Variants in MANBA observed in about 807,000 individuals in gnomAD.
The protein encoded by MANBA is beta-mannosidase.
In MANBA, 83 loss-of-function variants were observed where a neutral mutation model predicts 111.1. The ratio of observed to expected loss-of-function variants is 0.75; its 90% confidence interval spans 0.63 to 0.90. The LOEUF (loss-of-function observed/expected upper bound fraction) is 0.90, where lower values mean the gene tolerates loss of function less well. Among genes scored for constraint, MANBA ranks in the 40% least tolerant of loss-of-function variants. The probability of loss-of-function intolerance (pLI) is 0.00; values close to 1 mark genes in which losing one functional copy is unlikely to be tolerated. For synonymous variants in MANBA, 370 were observed against 378.7 expected, an observed-to-expected ratio of 0.98 and a Z score of 0.27; for missense variants, 1,036 against 1,069.0, an observed-to-expected ratio of 0.97 and a Z score of 0.43.
At chr4:102,758,482 G>A (rs1259951275) in intron 1 of MANBA, among the ~76,000 whole-genome samples, 3 of 152,032 alleles carry the variant, frequency 2.0e-5, no homozygotes, top group Non-Finnish European at 4.4e-5. Flanking sequence ...AAAGCAGGTC[G>A]GACAACAGTC....
intron 1 of MANBA, among the ~76,000 whole-genome samples, chr4:102,741,680 G>C (rs1262718364): frequency 1.3e-5 from 2 of 152,218 alleles, no homozygotes. Flanking sequence ...GGAATGGAAA[G>C]CCAAGCATTG....
chr4:102,735,948 C>T (rs1389954516), intron 1 of MANBA, among the ~76,000 whole-genome samples: 2 of 152,200 alleles, frequency 1.3e-5, no homozygotes, highest in Admixed American at 6.5e-5. Flanking sequence ...TCTAGTCTAA[C>T]ACCAAGGTCT....
rs1016779572 is a variant in MANBA, at chr4:102,635,982, A to G, written c.2040T>C (p.Leu680=). The change falls in exon 15 of 17, where the codon CTT becomes CTC. Residue 680 remains leucine, a synonymous_variant. Transcript: ENST00000647097. The part of the protein sequence containing the change: ...SLEYGGKWKM[L]HYFAQNFFAP... The stretch of plus-strand genomic sequence containing the variant: ...CAAAGAAATTCTGAGCAAAGTAATG[A>G]AGCATTTTCCACTTTCCTCCGTACT... The G allele has an allele frequency of 2.5e-6, 4 of 1,613,802 alleles. No individual in the cohort carries two copies. Among genetic ancestry groups the G allele is most frequent in the Non-Finnish European group, 3.4e-6 (4 of 1,179,772 alleles).
At chr4:102,697,837 G>T (rs1022230229) in intron 5 of MANBA, among the ~76,000 whole-genome samples, 2 of 152,044 alleles carry the variant, frequency 1.3e-5, no homozygotes, top group African/African-American at 2.4e-5. Context: ...TGTGTCTTTA[G>T]AGCAGCATGA....
At chr4:102,727,032 C>A (rs530764075) in intron 1 of MANBA, among the ~76,000 whole-genome samples, 1 of 152,356 alleles carries the variant, frequency 6.6e-6, no homozygotes, top group East Asian at 1.9e-4. Context: ...CTACCTCAGC[C>A]TCCCAAAGTG....
intron 5 of MANBA, among the ~76,000 whole-genome samples, chr4:102,699,672 A>G (rs227289): frequency 0.62 from 91,858 of 147,418 alleles, 29,391 homozygotes; most frequent in South Asian, 0.79. Flanking sequence ...ATTGATTTGC[A>G]TATATTGAAC....
intron 1 of MANBA, chr4:102,752,560 A>C: frequency 1.5e-6 from 1 of 677,506 alleles, no homozygotes; most frequent in Non-Finnish European, 2.8e-6. Context: ...ATAGGGACAC[A>C]GGGCTACTTT....
chr4:102,752,695 A>G, intron 1 of MANBA: 3 of 469,130 alleles, frequency 6.4e-6, no homozygotes, highest in South Asian at 4.8e-5. Context: ...ACTTGGTAGA[A>G]AATCATGAAA....
rs569469448 is a variant in MANBA at position 102,734,429 on chromosome 4, C to T, written c.178-7746G>A. The T allele has an allele frequency of 8.0e-5, 129 of 1,607,684 alleles. 2 individuals are homozygous for T. The South Asian group carries it at 1.2e-3, about 15-fold the overall frequency. Reference sequence around the variant, plus strand: ...CTTTCCTGGAGAACCTGCTATGGTACGGACTCTTCCTGGGAGCCATCTTCC... The same window carrying T: ...CTTTCCTGGAGAACCTGCTATGGTATGGACTCTTCCTGGGAGCCATCTTCC... On this transcript the variant is annotated intron_variant, in intron 1 of 16. Coordinates refer to ENST00000647097, the MANE Select transcript of MANBA (RefSeq NM_005908.4).
At chr4:102,648,149 CATT>C (rs969753812) in intron 13 of MANBA, among the ~76,000 whole-genome samples, 8 of 151,928 alleles carry the variant, frequency 5.3e-5, no homozygotes, top group African/African-American at 1.9e-4. Flanking sequence ...AAAATGAAAC[CATT>C]ATCCAAAATT....
intron 16 of MANBA, among the ~76,000 whole-genome samples, chr4:102,632,791 A>G (rs1344844850): frequency 1.3e-5 from 2 of 152,238 alleles, no homozygotes; most frequent in Non-Finnish European, 1.5e-5. Flanking sequence ...GTAAAGTCAC[A>G]TTATTAGCAT....
intron 2 of MANBA, among the ~76,000 whole-genome samples, chr4:102,725,463 A>T (rs1372213613): frequency 1.3e-5 from 2 of 152,142 alleles, no homozygotes; most frequent in African/African-American, 4.8e-5. Context: ...AAAAAGCTGG[A>T]CAAATCCAAG....
chr4:102,715,034 T>C (rs953119074), intron 4 of MANBA, among the ~76,000 whole-genome samples: 1 of 152,234 alleles, frequency 6.6e-6, no homozygotes, highest in Non-Finnish European at 1.5e-5. Context: ...TGCAAAACTG[T>C]GTGTGCCCCC....
Position 102,631,772 on chromosome 4 carries a change from C to A in MANBA, c.*285G>T. 1 of 592,398 alleles carries A rather than the reference C, an allele frequency of 1.7e-6. No homozygotes were observed. The highest frequency in any genetic ancestry group is 3.0e-6 in the Non-Finnish European group (1 of 334,046). The allele number at this position is 592,398 out of a possible 1,614,324, so 36.7% of individuals were successfully genotyped here. ...CAGCTGCAGGGCCATCTTGTTATAACTGGTTCATGTCCTGCTAAAGCTGAG... is the reference window on the plus strand; with the variant it reads ...CAGCTGCAGGGCCATCTTGTTATAAATGGTTCATGTCCTGCTAAAGCTGAG... On this transcript the variant is annotated 3_prime_UTR_variant, in exon 17 of 17. Coordinates refer to ENST00000647097, the MANE Select transcript of MANBA (RefSeq NM_005908.4).
intron 10 of MANBA, chr4:102,668,709 G>T (rs1255247290): frequency 8.8e-6 from 4 of 452,342 alleles, no homozygotes; most frequent in Admixed American, 6.9e-5. Context: ...GAGGCACCAG[G>T]TAGGCAGTTG....
chr4:102,728,570 T>G, intron 1 of MANBA: 1 of 408,638 alleles, frequency 2.4e-6, no homozygotes, highest in Non-Finnish European at 4.5e-6. Flanking sequence ...AAAAAAGCAA[T>G]TGAATTGTTT....
At chr4:102,636,664 G>A (rs1327816143) in intron 14 of MANBA, among the ~76,000 whole-genome samples, 1 of 152,196 alleles carries the variant, frequency 6.6e-6, no homozygotes, top group Non-Finnish European at 1.5e-5. Flanking sequence ...CAGAGCAGAA[G>A]CAGATATAGA....
intron 14 of MANBA, among the ~76,000 whole-genome samples, 156 bp downstream of exon 14, chr4:102,639,557 G>T (rs918711254): frequency 6.6e-6 from 1 of 152,134 alleles, no homozygotes; most frequent in Non-Finnish European, 1.5e-5. Flanking sequence ...AGGTGAGTTG[G>T]GTGGCTGTAG....
intron 14 of MANBA, among the ~76,000 whole-genome samples, chr4:102,637,719 C>T (rs1325624687): frequency 6.6e-6 from 1 of 152,212 alleles, no homozygotes; most frequent in East Asian, 1.9e-4. Flanking sequence ...AGGACCCTTC[C>T]AGACTTCACC....
Sources: allele counts gnomAD v4.1 joint callset (sites outside exome capture counted in the v4.1 genomes callset), GRCh38; gene constraint gnomAD v4.1.1; transcripts MANE v1.5; gene names NCBI Gene and HGNC (gene_info 2026-07-23, HGNC 2026-07-21).